KCND2: variants seen among roughly 807,000 people sequenced by gnomAD.
The protein encoded by KCND2 is potassium voltage-gated channel subfamily D member 2, also known as A-type voltage-gated potassium channel KCND2.
In KCND2, 16 loss-of-function variants were observed where a neutral mutation model predicts 54.4. The observed-to-expected ratio is 0.29, with a 90% confidence interval of 0.20 to 0.45. The LOEUF is 0.45. Ranked by LOEUF, KCND2 falls within the 20% of genes least tolerant of loss-of-function variation. The pLI is 1.00. For synonymous variants in KCND2, 317 were observed against 310.7 expected (o/e 1.02, Z -0.21); for missense variants, 486 against 824.2 (o/e 0.59, Z 5.02).
At chr7:120,328,587 A>T (rs1800015868) in intron 1 of KCND2, among the ~76,000 whole-genome samples, 1 of 152,148 alleles carries the variant, frequency 6.6e-6, no homozygotes, top group Non-Finnish European at 1.5e-5. Flanking sequence ...TTTTATCTTA[A>T]ATAATGAATG....
At chr7:120,621,491 A>C (rs956545898) in intron 1 of KCND2, among the ~76,000 whole-genome samples, 1 of 152,038 alleles carries the variant, frequency 6.6e-6, no homozygotes, top group South Asian at 2.1e-4. Context: ...AGGTCGATAC[A>C]CTCTGAAGCC....
chr7:120,364,379 T>C (rs1359843232), intron 1 of KCND2, among the ~76,000 whole-genome samples: 1 of 152,138 alleles, frequency 6.6e-6, no homozygotes, highest in African/African-American at 2.4e-5. Context: ...GTGGGAAGGA[T>C]ACTAGGTCAA....
At chr7:120,516,597 A>T (rs568195683) in intron 1 of KCND2, among the ~76,000 whole-genome samples, 1 of 152,102 alleles carries the variant, frequency 6.6e-6, no homozygotes, top group African/African-American at 2.4e-5. Context: ...ACATCCAGAA[A>T]TGACTTACTG....
chr7:120,338,873 A>G (rs1800191572), intron 1 of KCND2, among the ~76,000 whole-genome samples: 1 of 151,738 alleles, frequency 6.6e-6, no homozygotes, highest in African/African-American at 2.4e-5. Flanking sequence ...GTCACATTCT[A>G]ACCTTGCTAC....
intron 1 of KCND2, among the ~76,000 whole-genome samples, chr7:120,643,265 G>GA (rs1478734289): frequency 3.2e-4 from 48 of 152,028 alleles, no homozygotes; most frequent in Admixed American, 3.1e-3. Flanking sequence ...AACATAATAA[G>GA]AAAAAATGTA....
At chr7:120,684,644 C>T (rs1020769255) in intron 1 of KCND2, among the ~76,000 whole-genome samples, 6 of 152,060 alleles carry the variant, frequency 3.9e-5, no homozygotes, top group Admixed American at 2.0e-4. Flanking sequence ...TACCCTATTA[C>T]CCGTGGGTCC....
chr7:120,660,492 T>C (rs939617052), intron 1 of KCND2, among the ~76,000 whole-genome samples: 1 of 152,220 alleles, frequency 6.6e-6, no homozygotes, highest in Non-Finnish European at 1.5e-5. Flanking sequence ...TCAATAGAAA[T>C]AACTTTTATG....
intron 1 of KCND2, among the ~76,000 whole-genome samples, chr7:120,649,825 T>C (rs1298917468): frequency 6.6e-6 from 1 of 152,198 alleles, no homozygotes; most frequent in Non-Finnish European, 1.5e-5. Context: ...TGACAAAATC[T>C]CTCAGCATTT....
chr7:120,367,641 CTTTTTT>C (rs563751531), intron 1 of KCND2, among the ~76,000 whole-genome samples: 2 of 137,758 alleles, frequency 1.5e-5, no homozygotes, highest in African/African-American at 5.3e-5. Flanking sequence ...TTTTCTTTTT[CTTTTTT>C]TTTTTAATGA....
At chr7:120,672,402 A>G (rs1792003490) in intron 1 of KCND2, among the ~76,000 whole-genome samples, 1 of 152,082 alleles carries the variant, frequency 6.6e-6, no homozygotes, top group Non-Finnish European at 1.5e-5. Context: ...TGTTGGTGAC[A>G]TTTTTAGAGT....
chr7:120,649,057 T>C (rs916501422), intron 1 of KCND2, among the ~76,000 whole-genome samples: 1 of 152,160 alleles, frequency 6.6e-6, no homozygotes, highest in African/African-American at 2.4e-5. Flanking sequence ...GAAGAAAAGA[T>C]CTTAAAGATA....
chr7:120,351,248 A>G lies in KCND2; in HGVS notation c.1115+75501A>G, dbSNP rs62470543. On this transcript the variant is annotated intron_variant, in intron 1 of 5. Transcript: ENST00000331113. ...ATATTATATATTTATATGTGTGTAT[A>G]TATATATATATATATATATCCAGTA... is the stretch of plus-strand genomic sequence containing the variant. Among the ~76,000 whole-genome samples the G allele has an allele frequency of 9.6e-4, 131 of 135,946 alleles. 1 individual carries two copies. Among genetic ancestry groups the G allele is most frequent in the African/African-American group, 2.8e-3 (104 of 37,218 alleles). 89.2% of individuals were successfully genotyped at this position (135,946 alleles called of 152,430 possible).
At chr7:120,677,528 TAG>T (rs1792078813) in intron 1 of KCND2, among the ~76,000 whole-genome samples, 1 of 129,828 alleles carries the variant, frequency 7.7e-6, no homozygotes. Context: ...TATATATATA[TAG>T]ATATAGATAT....
chr7:120,663,861 C>T (rs973069953), intron 1 of KCND2, among the ~76,000 whole-genome samples: 2 of 152,142 alleles, frequency 1.3e-5, no homozygotes, highest in Non-Finnish European at 2.9e-5. Context: ...AATTAGTTTC[C>T]TCACCATTAT....
chr7:120,499,862 T>C (rs1802907126), intron 1 of KCND2, among the ~76,000 whole-genome samples: 1 of 152,168 alleles, frequency 6.6e-6, no homozygotes, highest in Non-Finnish European at 1.5e-5. Context: ...ATCTTCATCT[T>C]ATTTATCCTA....
At chr7:120,296,007 T>C (rs1214131620) in intron 1 of KCND2, among the ~76,000 whole-genome samples, 1 of 152,092 alleles carries the variant, frequency 6.6e-6, no homozygotes, top group Non-Finnish European at 1.5e-5. Context: ...TACATGGGAA[T>C]ATTTGAGGTA....
intron 1 of KCND2, among the ~76,000 whole-genome samples, chr7:120,450,010 A>G (rs1407759781): frequency 6.6e-6 from 1 of 152,242 alleles, no homozygotes. Context: ...ATTTAAATAC[A>G]TGTGTTTGAC....
chr7:120,426,384 A>G (rs1198544163), intron 1 of KCND2, among the ~76,000 whole-genome samples: 1 of 152,134 alleles, frequency 6.6e-6, no homozygotes, highest in Non-Finnish European at 1.5e-5. Context: ...GATTTATATA[A>G]CTTTGAAAAG....
chr7:120,726,128 AT>A (rs1249168543), intron 1 of KCND2, among the ~76,000 whole-genome samples: 3 of 151,676 alleles, frequency 2.0e-5, no homozygotes, highest in African/African-American at 7.2e-5. Flanking sequence ...ACATTAGCTG[AT>A]CCAAAAAAAA....
Sources: allele counts gnomAD v4.1 joint callset (sites outside exome capture counted in the v4.1 genomes callset), GRCh38; gene constraint gnomAD v4.1.1; transcripts MANE v1.5; gene names NCBI Gene and HGNC (gene_info 2026-07-23, HGNC 2026-07-21).